CDH22: variants seen among roughly 807,000 people sequenced by gnomAD.
CDH22 encodes the protein cadherin 22.
A neutral mutation model predicts 58.4 loss-of-function variants in CDH22; 30 were observed. That is an observed-to-expected ratio of 0.51 (90% CI 0.38 to 0.70). The LOEUF is 0.70. Ranked by LOEUF, CDH22 falls within the 30% of genes least tolerant of loss-of-function variation. CDH22 has a pLI of 0.00. For synonymous variants in CDH22, 513 were observed against 558.2 expected, an observed-to-expected ratio of 0.92 and a Z score of 1.14; for missense variants, 1,014 against 1,233.9, an observed-to-expected ratio of 0.82 and a Z score of 2.67.
intron 1 of CDH22, among the ~76,000 whole-genome samples, chr20:46,288,395 G>T (rs555293695): frequency 2.6e-4 from 40 of 152,152 alleles, no homozygotes; most frequent in African/African-American, 9.4e-4. Flanking sequence ...GGCCCCAGAG[G>T]GTAGTCCCTG....
intron 8 of CDH22, among the ~76,000 whole-genome samples, chr20:46,191,751 G>A (rs1360972779): frequency 6.6e-6 from 1 of 152,130 alleles, no homozygotes; most frequent in East Asian, 1.9e-4. Context: ...TGCCTTTCTT[G>A]TCTTTAGCTG....
rs781500013 is a variant in CDH22, at chr20:46,177,950, C to G, written c.1911G>C (p.Leu637=). 1 of 1,613,680 alleles carries G rather than the reference C, an allele frequency of 6.2e-7. No homozygotes were observed. The highest frequency in any genetic ancestry group is 1.1e-5 in the South Asian group (1 of 91,058). ...GGTGGCTCTCGATGGACTCACCAACCAGGATGAGAACGCAGACCAAGAGGG... is the reference window on the plus strand; with the variant it reads ...GGTGGCTCTCGATGGACTCACCAACGAGGATGAGAACGCAGACCAAGAGGG... ...LIALLVCVLI[L]VVLVLLILTL... is the part of the protein sequence containing the mutation. The change falls in exon 11 of 12, where the codon CTG becomes CTC. Residue 637 remains leucine (L), a synonymous_variant. Transcript: ENST00000537909.
In CDH22 at chr20:46,277,943, TTGGGTG is replaced by T. The variant is rs562991234; in HGVS notation, c.-399-26256_-399-26251del. On this transcript the variant is annotated intron_variant, in intron 1 of 11. Transcript: ENST00000537909. ...GGGAGGGCTTTCTTAAAGGAGAGAGTTGGGTGTGCTCAGTGCTAATGAGAGGGGGCG... is the reference window on the plus strand; with the variant it reads ...GGGAGGGCTTTCTTAAAGGAGAGAGTTGCTCAGTGCTAATGAGAGGGGGCG... Among the ~76,000 whole-genome samples the T allele has an allele frequency of 2.7e-5, 4 of 148,944 alleles. No individual in the cohort carries two copies. The South Asian group carries it at 8.7e-4, about 32-fold the overall frequency.
chr20:46,243,052 G>T (rs1271954829), intron 2 of CDH22, among the ~76,000 whole-genome samples: 1 of 152,164 alleles, frequency 6.6e-6, no homozygotes, highest in Non-Finnish European at 1.5e-5. Flanking sequence ...GAGGCTTTGG[G>T]CAGGTCCCTG....
Position 46,251,554 on chromosome 20 carries a change from G to A in CDH22, c.-260C>T. ...CGGGGTGCCCGCCCGCGCCCCCGTC[G>A]CCGCGTCGCGTGCGGATCACCAGGC... On this transcript the variant is annotated 5_prime_UTR_variant, in exon 2 of 12. Coordinates refer to ENST00000537909, the MANE Select transcript of CDH22 (RefSeq NM_021248.3). The surrounding 1 kb of genome is among the most constrained non-coding windows in gnomAD (Gnocchi z 6.7). 3.5e-6 allele frequency: 1 copy of A among 282,962 alleles called. No homozygotes were observed. The highest frequency in any genetic ancestry group is 6.5e-6 in the Non-Finnish European group (1 of 154,236). The allele number at this position is 282,962 out of a possible 1,614,324, so 17.5% of individuals were successfully genotyped here.
rs74176857 is a variant in CDH22, at chr20:46,226,231, C to CCTTCTTCTT, written c.670+1268_670+1276dup. Among the ~76,000 whole-genome samples the CCTTCTTCTT allele has an allele frequency of 4.9e-3, 425 of 86,572 alleles. 8 individuals are homozygous for CCTTCTTCTT. Among genetic ancestry groups the CCTTCTTCTT allele is most frequent in the East Asian group, 0.03 (101 of 3,334 alleles). The allele number at this position is 86,572 out of a possible 152,430, so 56.8% of individuals were successfully genotyped here. On this transcript the variant is annotated intron_variant, in intron 4 of 11. Coordinates refer to ENST00000537909, the MANE Select transcript of CDH22 (RefSeq NM_021248.3). ...TCTCTGAAATCTTGGTCTGGCAACACCTTCTTCTTCTTCTTCTTCTTCTTC... is the reference window on the plus strand; with the variant it reads ...TCTCTGAAATCTTGGTCTGGCAACACCTTCTTCTTCTTCTTCTTCTTCTTCTTCTTCTTC...
chr20:46,181,695 TTC>T (rs2085785526), intron 10 of CDH22, among the ~76,000 whole-genome samples: 1 of 138,072 alleles, frequency 7.2e-6, no homozygotes, highest in African/African-American at 2.8e-5. Context: ...CCTCTTTCTT[TTC>T]TTTTCTTTTC....
At chr20:46,306,808 G>A (rs143840893) in intron 1 of CDH22, among the ~76,000 whole-genome samples, 1 of 152,258 alleles carries the variant, frequency 6.6e-6, no homozygotes, top group East Asian at 1.9e-4. Flanking sequence ...TTCAACAAGG[G>A]CTGTAGACTA....
At chr20:46,204,180 G>A (rs1410719056) in intron 7 of CDH22, among the ~76,000 whole-genome samples, 1 of 151,986 alleles carries the variant, frequency 6.6e-6, no homozygotes, top group Non-Finnish European at 1.5e-5. Flanking sequence ...GGATCACGAG[G>A]TCAGGAGTTT....
At chr20:46,207,585 T>C (rs1035247984) in intron 7 of CDH22, among the ~76,000 whole-genome samples, 6 of 152,286 alleles carry the variant, frequency 3.9e-5, no homozygotes, top group Admixed American at 2.6e-4. Flanking sequence ...CAGGATGGCA[T>C]TGGCAGCGAG....
At position 46,210,109 on chromosome 20, in the gene CDH22, C is replaced by G. The variant is rs1009315767; in HGVS notation, c.1286+198G>C. On this transcript the variant is annotated intron_variant, in intron 7 of 11. Coordinates refer to ENST00000537909, the MANE Select transcript of CDH22 (RefSeq NM_021248.3). This position sits in a 1 kb window ranked among gnomAD's most constrained non-coding sequence, Gnocchi z 4.5. ...GCCTGCCTGTCTCATTGACTGTTCT[C>G]ACATCTGCTTCCTTGGCTCTTTGGC... 2.0e-6 allele frequency: 1 copy of G among 499,086 alleles called. No homozygotes were observed. Among genetic ancestry groups the G allele is most frequent in the Non-Finnish European group, 3.4e-6 (1 of 295,260 alleles). 30.9% of individuals were successfully genotyped at this position (499,086 alleles called of 1,614,324 possible).
At position 46,199,550 on chromosome 20, in the gene CDH22, A is replaced by C; in HGVS notation, c.1296T>G (p.Ile432Met). 6 of 1,613,698 alleles carry C rather than the reference A, an allele frequency of 3.7e-6. No individual in the cohort carries two copies. Among genetic ancestry groups the C allele is most frequent in the Non-Finnish European group, 5.1e-6 (6 of 1,179,918 alleles). The change falls in exon 8 of 12, where the codon ATT (isoleucine) becomes ATG (methionine). Residue 432 changes from isoleucine to methionine, a missense_variant. Physicochemically the swap from Ile to Met is conservative, Grantham distance 10 (BLOSUM62 1). Transcript: ENST00000537909. Reference sequence around the variant, plus strand: ...TCTGGTCCAAATCTGATTCGCGGTCAATGGCGTACCTGCGGGGGGCAGGGC... The same window carrying C: ...TCTGGTCCAAATCTGATTCGCGGTCCATGGCGTACCTGCGGGGGGCAGGGC... ...DAANRPVRYA[I>M]DRESDLDQIF...
At chr20:46,266,910 GC>G (rs1306354295) in intron 1 of CDH22, among the ~76,000 whole-genome samples, 28 of 122,664 alleles carry the variant, frequency 2.3e-4, no homozygotes, top group East Asian at 2.5e-4. Context: ...TCTATAGGGT[GC>G]TTTTTTTTTT....
At chr20:46,296,618 C>G (rs1031398641) in intron 1 of CDH22, among the ~76,000 whole-genome samples, 25 of 152,206 alleles carry the variant, frequency 1.6e-4, no homozygotes, top group Non-Finnish European at 3.4e-4. Flanking sequence ...GGAATGGGCC[C>G]TGGAGCAATG....
intron 1 of CDH22, among the ~76,000 whole-genome samples, chr20:46,301,956 C>A (rs1393196349): frequency 6.6e-6 from 1 of 152,180 alleles, no homozygotes; most frequent in African/African-American, 2.4e-5. Flanking sequence ...AGGTCCCCAC[C>A]AGCGGGTGCA....
intron 7 of CDH22, among the ~76,000 whole-genome samples, chr20:46,200,563 T>C (rs2085952632): frequency 6.6e-6 from 1 of 151,906 alleles, no homozygotes; most frequent in African/African-American, 2.4e-5. Flanking sequence ...GTTACAGGCA[T>C]GAACCACTGC....
At chr20:46,204,569 G>A (rs1436425603) in intron 7 of CDH22, among the ~76,000 whole-genome samples, 3 of 152,014 alleles carry the variant, frequency 2.0e-5, no homozygotes, top group Admixed American at 1.3e-4. Flanking sequence ...TGAGCTCTTC[G>A]AATCCTCAGA....
chr20:46,286,604 C>A (rs541147000), intron 1 of CDH22, among the ~76,000 whole-genome samples: 14 of 152,280 alleles, frequency 9.2e-5, no homozygotes, highest in African/African-American at 3.1e-4. Context: ...CGCCGATCCC[C>A]CGAGTCTACC....
chr20:46,301,198 T>C (rs1045913087), intron 1 of CDH22, among the ~76,000 whole-genome samples: 3 of 152,082 alleles, frequency 2.0e-5, no homozygotes, highest in African/African-American at 4.8e-5. Context: ...TATACATATA[T>C]ATAAATTTAC....
Sources: gnomAD v4.1 joint callset for allele counts (sites outside exome capture counted in the v4.1 genomes callset) on GRCh38, gnomAD v4.1.1 for gene constraint, Gnocchi (gnomAD v3.1) non-coding constraint, MANE v1.5 for transcripts, NCBI Gene and HGNC (gene_info 2026-07-23, HGNC 2026-07-21) for gene names.